FBXO9: variants seen among roughly 807,000 people sequenced by gnomAD.
The protein encoded by FBXO9 is F-box protein 9.
In FBXO9, 43 loss-of-function variants were observed where a neutral mutation model predicts 63.7. The observed-to-expected ratio is 0.67, with a 90% confidence interval of 0.53 to 0.87. The LOEUF is 0.87. Among genes scored for constraint, FBXO9 ranks in the 40% least tolerant of loss-of-function variants. The pLI is 0.00. For synonymous variants in FBXO9, 156 were observed against 171.7 expected (o/e 0.91, Z 0.72); for missense variants, 442 against 533.2 (o/e 0.83, Z 1.68).
At chr6:53,069,902 A>G (rs561542381) in intron 1 of FBXO9, among the ~76,000 whole-genome samples, 1 of 152,114 alleles carries the variant, frequency 6.6e-6, no homozygotes, top group Admixed American at 6.5e-5. Context: ...AATTCTCTTT[A>G]AGTGTTTTTC....
chr6:53,070,329 G>T (rs1033422581), intron 1 of FBXO9, among the ~76,000 whole-genome samples: 8 of 151,942 alleles, frequency 5.3e-5, no homozygotes, highest in Non-Finnish European at 1.5e-5. Flanking sequence ...CAGAAAAAGA[G>T]AAAATAATTT....
chr6:53,074,704 A>G (rs983209781), intron 3 of FBXO9, among the ~76,000 whole-genome samples: 3 of 152,260 alleles, frequency 2.0e-5, no homozygotes, highest in African/African-American at 7.2e-5. Context: ...TATAAGTGGA[A>G]TCATCCAGTA....
intron 2 of FBXO9, among the ~76,000 whole-genome samples, chr6:53,071,901 C>T (rs557178963): frequency 3.9e-5 from 6 of 152,162 alleles, no homozygotes; most frequent in Non-Finnish European, 7.3e-5. Flanking sequence ...GGAAAAACAT[C>T]ATACAACTTA....
intron 2 of FBXO9, among the ~76,000 whole-genome samples, chr6:53,072,925 G>A (rs928458774): frequency 6.6e-6 from 1 of 152,122 alleles, no homozygotes; most frequent in Non-Finnish European, 1.5e-5. Flanking sequence ...GTTTCACCAT[G>A]TTGGCCGGGC....
At chr6:53,081,566 C>T (rs74841320) in intron 6 of FBXO9, among the ~76,000 whole-genome samples, 1,769 of 152,306 alleles carry the variant, frequency 0.012, 37 homozygotes, top group African/African-American at 0.039. Flanking sequence ...AGGCACTGCG[C>T]CCAGCCCAGT....
At chr6:53,078,977 G>A (rs1769216638) in intron 5 of FBXO9, 79 bp downstream of exon 5, 1 of 1,024,100 alleles carries the variant, frequency 9.8e-7, no homozygotes, top group Non-Finnish European at 1.5e-6. Context: ...CTCTTAAGAT[G>A]GTGCTAATTC....
At chr6:53,093,012 C>T (rs1763090157) in intron 9 of FBXO9, 188 bp downstream of exon 9, 2 of 454,700 alleles carry the variant, frequency 4.4e-6, no homozygotes, top group African/African-American at 2.0e-5. Context: ...TTCTTCTGGC[C>T]TCTTTTAGAT....
In FBXO9 at chr6:53,065,647, C is replaced by A; in HGVS notation, c.-143C>A. 1.0e-6 allele frequency: 1 copy of A among 996,280 alleles called. No individual in the cohort carries two copies. Among genetic ancestry groups the A allele is most frequent in the Non-Finnish European group, 1.3e-6 (1 of 755,208 alleles). The allele number at this position is 996,280 out of a possible 1,614,324, so 61.7% of individuals were successfully genotyped here. A position where few individuals can be genotyped will look rare whatever the true frequency, so the allele number is the denominator to read the frequency against. ...CCGCAGTTATTGCCGCTGCCTGGTG[C>A]GCTTCTCCGACCGAGAACTCTGCTA... On this transcript the variant is annotated 5_prime_UTR_variant, in exon 1 of 13. Transcript: ENST00000323557.
chr6:53,070,184 G>A (rs1329734367), intron 1 of FBXO9, among the ~76,000 whole-genome samples: 1 of 151,270 alleles, frequency 6.6e-6, no homozygotes, highest in Non-Finnish European at 1.5e-5. Flanking sequence ...ACGCCTGGCT[G>A]ATTTTTTGTA....
At chr6:53,094,735 C>T (rs1401579359) in intron 11 of FBXO9, 2 of 438,828 alleles carry the variant, frequency 4.6e-6, no homozygotes, top group Non-Finnish European at 9.2e-6. Context: ...CTTGTGGCCA[C>T]CTGTTGCTGG....
At position 53,098,794 on chromosome 6, in the gene FBXO9, A is replaced by T. The variant is rs1035507668; in HGVS notation, c.*964A>T. The T allele has an allele frequency of 6.6e-6, 1 of 152,188 alleles. No homozygotes were observed. Among genetic ancestry groups the T allele is most frequent in the South Asian group, 2.1e-4 (1 of 4,826 alleles). 9.4% of individuals were successfully genotyped at this position (152,188 alleles called of 1,614,324 possible). A position where few individuals can be genotyped will look rare whatever the true frequency, so the allele number is the denominator to read the frequency against. ...TAGAGGATCATGTAAACCTGAGCCT[A>T]ACTCTTGTTCCAGTATGAAAGTTGG... On this transcript the variant is annotated 3_prime_UTR_variant, in exon 13 of 13. Coordinates refer to ENST00000323557, the MANE Select transcript of FBXO9 (RefSeq NM_033480.3).
At chr6:53,077,995 G>T (rs1486300664) in intron 4 of FBXO9, among the ~76,000 whole-genome samples, 1 of 152,138 alleles carries the variant, frequency 6.6e-6, no homozygotes, top group African/African-American at 2.4e-5. Context: ...TAGGAAATTT[G>T]TAAAAAATAA....
At chr6:53,079,607 T>G (rs145242312) in intron 5 of FBXO9, among the ~76,000 whole-genome samples, 100 of 152,260 alleles carry the variant, frequency 6.6e-4, no homozygotes, top group African/African-American at 2.3e-3. Context: ...TTGGCTTAAT[T>G]GCACTATCTC....
chr6:53,083,258 T>C (rs956295631), intron 7 of FBXO9, among the ~76,000 whole-genome samples: 2 of 152,214 alleles, frequency 1.3e-5, no homozygotes, highest in African/African-American at 4.8e-5. Flanking sequence ...ATTAATTCCA[T>C]TTGGAATCTT....
At chr6:53,067,137 A>C (rs2062221489) in intron 1 of FBXO9, among the ~76,000 whole-genome samples, 1 of 152,186 alleles carries the variant, frequency 6.6e-6, no homozygotes, top group African/African-American at 2.4e-5. Flanking sequence ...CTGGTACAAT[A>C]CTAGATCTTC....
intron 11 of FBXO9, among the ~76,000 whole-genome samples, chr6:53,094,196 T>A (rs545438158): frequency 3.3e-5 from 5 of 152,346 alleles, no homozygotes; most frequent in African/African-American, 1.2e-4. Flanking sequence ...TACCAGATAG[T>A]TTGTTTTTTA....
At chr6:53,093,597 C>A in intron 10 of FBXO9, 36 bp downstream of exon 10, 2 of 1,479,522 alleles carry the variant, frequency 1.4e-6, no homozygotes, top group Non-Finnish European at 1.9e-6. Flanking sequence ...TCCATCCAGT[C>A]TATGTTTTAT....
chr6:53,095,095 A>T (rs1283608104), intron 11 of FBXO9, among the ~76,000 whole-genome samples: 1 of 152,186 alleles, frequency 6.6e-6, no homozygotes, highest in African/African-American at 2.4e-5. Context: ...AGCATCCTTC[A>T]CCAATTTATC....
chr6:53,082,476 G>A, intron 6 of FBXO9, 28 bp from the exon 7 acceptor site: 4 of 1,453,366 alleles, frequency 2.8e-6, no homozygotes, highest in Non-Finnish European at 3.9e-6. Flanking sequence ...ATAGAGGAGA[G>A]TCACTGAAGG....
Sources: gnomAD v4.1 joint callset for allele counts (sites outside exome capture counted in the v4.1 genomes callset) on GRCh38, gnomAD v4.1.1 for gene constraint, MANE v1.5 for transcripts, NCBI Gene and HGNC (gene_info 2026-07-23, HGNC 2026-07-21) for gene names.